The following MGMT variants were observed in gnomAD, a reference collection of about 807,000 sequenced individuals.
MGMT encodes the protein methylated-DNA--protein-cysteine methyltransferase.
In MGMT, 14 loss-of-function variants were observed where a neutral mutation model predicts 15.9. That is an observed-to-expected ratio of 0.88 (90% CI 0.58 to 1.37). The LOEUF is 1.37. Among genes scored for constraint, MGMT ranks in the 40% most tolerant of loss-of-function variants. The pLI is 0.00. For missense variants in MGMT, 282 were observed against 268.1 expected (o/e 1.05, Z -0.36); for synonymous variants, 130 against 118.2 (o/e 1.10, Z -0.65).
At chr10:129,546,710 C>G (rs1251630766) in intron 2 of MGMT, among the ~76,000 whole-genome samples, 2 of 152,102 alleles carry the variant, frequency 1.3e-5, no homozygotes, top group African/African-American at 4.8e-5. Flanking sequence ...GAGCATCTCT[C>G]CTCTCCATGG....
chr10:129,476,987 C>T (rs1845302664), intron 1 of MGMT, among the ~76,000 whole-genome samples: 1 of 152,092 alleles, frequency 6.6e-6, no homozygotes, highest in Non-Finnish European at 1.5e-5. Context: ...CCTGTGGACC[C>T]CTCTCTCAGG....
intron 3 of MGMT, among the ~76,000 whole-genome samples, chr10:129,723,836 C>A (rs1848402459): frequency 6.6e-6 from 1 of 152,204 alleles, no homozygotes; most frequent in Non-Finnish European, 1.5e-5. Flanking sequence ...CAGTGAAAGA[C>A]ATCTGCATAT....
chr10:129,649,153 C>T (rs1847429276), intron 2 of MGMT, among the ~76,000 whole-genome samples: 1 of 152,136 alleles, frequency 6.6e-6, no homozygotes, highest in African/African-American at 2.4e-5. Flanking sequence ...TTTTGTCATT[C>T]CAGTCATTTT....
At chr10:129,622,007 C>T (rs1176624594) in intron 2 of MGMT, among the ~76,000 whole-genome samples, 4 of 152,194 alleles carry the variant, frequency 2.6e-5, no homozygotes, top group Non-Finnish European at 1.5e-5. Flanking sequence ...GATTGTATCA[C>T]AGAACGGTGT....
intron 2 of MGMT, among the ~76,000 whole-genome samples, chr10:129,676,680 C>A (rs2133116733): frequency 6.6e-6 from 1 of 152,080 alleles, no homozygotes; most frequent in Admixed American, 6.5e-5. Flanking sequence ...ATAAAAGAAA[C>A]CATTAAGAAT....
intron 3 of MGMT, among the ~76,000 whole-genome samples, chr10:129,713,987 G>A (rs528356090): frequency 6.6e-6 from 1 of 152,212 alleles, no homozygotes; most frequent in Admixed American, 6.5e-5. Context: ...TTGAATACCT[G>A]CATCACCTCC....
intron 2 of MGMT, among the ~76,000 whole-genome samples, chr10:129,609,514 T>C (rs750408565): frequency 8.5e-5 from 13 of 152,168 alleles, no homozygotes; most frequent in Non-Finnish European, 1.3e-4. Flanking sequence ...CGGTAGGTGT[T>C]GCCACCCAAG....
intron 3 of MGMT, among the ~76,000 whole-genome samples, chr10:129,727,429 C>A (rs1277284672): frequency 1.3e-5 from 2 of 152,186 alleles, no homozygotes; most frequent in Non-Finnish European, 2.9e-5. Context: ...ATGCAGAAGA[C>A]CCCAAGTGAC....
chr10:129,698,695 G>T (rs1308461491), intron 2 of MGMT, among the ~76,000 whole-genome samples: 5 of 152,182 alleles, frequency 3.3e-5, no homozygotes, highest in Non-Finnish European at 7.3e-5. Context: ...TCTAGAAGTT[G>T]TCACATCAAG....
At chr10:129,522,190 A>G (rs953137512) in intron 1 of MGMT, among the ~76,000 whole-genome samples, 1 of 152,140 alleles carries the variant, frequency 6.6e-6, no homozygotes, top group African/African-American at 2.4e-5. Flanking sequence ...CCCAAGTTTT[A>G]CTCAGATCTT....
chr10:129,714,849 A>C (rs973987696), intron 3 of MGMT, among the ~76,000 whole-genome samples: 2 of 152,174 alleles, frequency 1.3e-5, no homozygotes, highest in Non-Finnish European at 1.5e-5. Context: ...CAGTGGCTGG[A>C]ACAGAACCAC....
At chr10:129,646,090 T>C (rs570137244) in intron 2 of MGMT, among the ~76,000 whole-genome samples, 4 of 151,356 alleles carry the variant, frequency 2.6e-5, no homozygotes, top group African/African-American at 2.4e-5. Flanking sequence ...AGTACAGATA[T>C]GACATTTATA....
chr10:129,471,160 G>C (rs74162156), intron 1 of MGMT, among the ~76,000 whole-genome samples: 12,692 of 152,232 alleles, frequency 0.083, 671 homozygotes, highest in East Asian at 0.27. Context: ...ACATCGTTCT[G>C]CCAGTCGCAA....
chr10:129,496,182 T>C (rs1293416987), intron 1 of MGMT, among the ~76,000 whole-genome samples: 2 of 152,206 alleles, frequency 1.3e-5, no homozygotes, highest in Non-Finnish European at 2.9e-5. Flanking sequence ...GAAAACTGTT[T>C]TATAAATATT....
At chr10:129,736,369 G>C (rs1589966822) in intron 3 of MGMT, among the ~76,000 whole-genome samples, 1 of 151,618 alleles carries the variant, frequency 6.6e-6, no homozygotes, top group Non-Finnish European at 1.5e-5. Context: ...TTTTATCAGA[G>C]ACTAGGATTG....
chr10:129,520,340 C>G (rs144639344), intron 1 of MGMT, among the ~76,000 whole-genome samples: 3 of 152,112 alleles, frequency 2.0e-5, no homozygotes, highest in Non-Finnish European at 4.4e-5. Context: ...GATGCTAGAC[C>G]GAGGTTGCCG....
chr10:129,669,602 G>A lies in MGMT; in HGVS notation c.126-38293G>A, dbSNP rs115161461. Among the ~76,000 whole-genome samples, 1,438 of 152,228 alleles carry A rather than the reference G, an allele frequency of 9.4e-3. 19 individuals are homozygous for A. Among genetic ancestry groups the A allele is most frequent in the African/African-American group, 0.033 (1,354 of 41,524 alleles). ...TGCAGATTAATAATTTCCAATTAAA[G>A]GTTGGGTGGAAGCTCTTCAATTGCA... On this transcript the variant is annotated intron_variant, in intron 2 of 4. Transcript: ENST00000651593.
intron 2 of MGMT, among the ~76,000 whole-genome samples, chr10:129,574,359 C>G (rs576895725): frequency 6.6e-6 from 1 of 152,204 alleles, no homozygotes; most frequent in Admixed American, 6.5e-5. Context: ...CTTTACCTTT[C>G]GTTTTTAAGG....
intron 2 of MGMT, among the ~76,000 whole-genome samples, chr10:129,578,009 C>G (rs545495369): frequency 1.3e-5 from 2 of 152,238 alleles, no homozygotes; most frequent in East Asian, 3.9e-4. Context: ...GTTAGAATGG[C>G]AATCATTAAA....
Sources: gnomAD v4.1 joint callset for allele counts (sites outside exome capture counted in the v4.1 genomes callset) on GRCh38, gnomAD v4.1.1 for gene constraint, MANE v1.5 for transcripts, NCBI Gene and HGNC (gene_info 2026-07-23, HGNC 2026-07-21) for gene names.